FAM135B: variants seen among roughly 807,000 people sequenced by gnomAD.
FAM135B encodes protein FAM135B.
Under a neutral mutation model 127.7 loss-of-function variants are expected in FAM135B, and 43 were observed. The ratio of observed to expected loss-of-function variants is 0.34; its 90% CI spans 0.26 to 0.43. The LOEUF (loss-of-function observed/expected upper bound fraction) is 0.43, where lower values mean the gene tolerates loss of function less well. FAM135B is among the 20% of genes least tolerant of loss of function. The pLI is 1.00. For synonymous variants in FAM135B, 670 were observed against 665.1 expected, an observed-to-expected ratio of 1.01 and a Z score of -0.11; for missense variants, 1,558 against 1,725.6, an observed-to-expected ratio of 0.90 and a Z score of 1.72.
At chr8:138,312,135 C>T (rs1050969406) in intron 2 of FAM135B, among the ~76,000 whole-genome samples, 6 of 151,986 alleles carry the variant, frequency 3.9e-5, no homozygotes, top group African/African-American at 1.4e-4. Flanking sequence ...TTAGTAGAGA[C>T]GGGGTTTCAC....
intron 2 of FAM135B, among the ~76,000 whole-genome samples, chr8:138,330,803 GATCTCCAGAATAAGCTGTCGGCCACTCTC>G (rs1161257416): frequency 6.6e-6 from 1 of 151,660 alleles, no homozygotes; most frequent in African/African-American, 2.4e-5. Flanking sequence ...GGCAATCAAT[GATCTCCAGAATAAGCTGTCGGCCACTCTC>G]ATATAAATGT....
intron 7 of FAM135B, among the ~76,000 whole-genome samples, chr8:138,233,829 C>A (rs887511204): frequency 2.6e-5 from 4 of 151,874 alleles, no homozygotes; most frequent in African/African-American, 7.3e-5. Flanking sequence ...ACAACAACAA[C>A]AAATAAATAA....
chr8:138,156,929 C>G (rs1453497776), intron 12 of FAM135B, among the ~76,000 whole-genome samples: 1 of 152,236 alleles, frequency 6.6e-6, no homozygotes, highest in South Asian at 2.1e-4. Context: ...AGAGGGAATC[C>G]TCCCTAACTC....
rs552702046 is a variant in FAM135B, at chr8:138,190,576, T to C, written c.873+4682A>G. ...AAAGCTGCGTCTTTAAGCGAAAATCTACATTGTATAGAGAATCTCCTTCCC... is the reference window on the plus strand; with the variant it reads ...AAAGCTGCGTCTTTAAGCGAAAATCCACATTGTATAGAGAATCTCCTTCCC... On this transcript the variant is annotated intron_variant, in intron 9 of 19. Coordinates refer to ENST00000395297, the MANE Select transcript of FAM135B (RefSeq NM_015912.4). 1.5e-4 allele frequency among the ~76,000 whole-genome samples: 23 copies of C among 152,382 alleles called. No homozygotes were observed. The East Asian group carries it at 4.4e-3, about 29-fold the overall frequency.
At chr8:138,213,428 G>C (rs571089282) in intron 7 of FAM135B, among the ~76,000 whole-genome samples, 79 of 151,812 alleles carry the variant, frequency 5.2e-4, no homozygotes, top group African/African-American at 1.9e-3. Flanking sequence ...CCACAGTCCA[G>C]AGTTACAGGA....
chr8:138,338,479 C>T (rs566602371), intron 2 of FAM135B, among the ~76,000 whole-genome samples: 24 of 152,046 alleles, frequency 1.6e-4, no homozygotes, highest in Middle Eastern at 3.4e-3. Flanking sequence ...CAAAAGAAGA[C>T]ATTTATGCAG....
At chr8:138,203,337 C>A (rs1294011267) in intron 7 of FAM135B, among the ~76,000 whole-genome samples, 1 of 152,118 alleles carries the variant, frequency 6.6e-6, no homozygotes, top group Non-Finnish European at 1.5e-5. Flanking sequence ...TGAATGGACC[C>A]CACTTTGCCC....
chr8:138,211,627 T>C (rs1818150037), intron 7 of FAM135B, among the ~76,000 whole-genome samples: 1 of 152,236 alleles, frequency 6.6e-6, no homozygotes, highest in East Asian at 1.9e-4. Flanking sequence ...ACTAGGGCAT[T>C]TGACTTCTAT....
At position 138,374,239 on chromosome 8, in the gene FAM135B, G is replaced by A. The variant is rs1021346225; in HGVS notation, c.-19-6237C>T. Among the ~76,000 whole-genome samples, 8 of 152,242 alleles carry A rather than the reference G, an allele frequency of 5.3e-5. No individual in the cohort carries two copies. The East Asian group carries it at 7.7e-4, about 15-fold the overall frequency. On this transcript the variant is annotated intron_variant, in intron 1 of 19. Coordinates refer to ENST00000395297, the MANE Select transcript of FAM135B (RefSeq NM_015912.4). ...TTAGGGAAAATAGAAAAGAACCTAC[G>A]TGACTCTTGGGGCAGGTTCCCCAGT...
chr8:138,454,258 G>A lies in FAM135B; in HGVS notation c.-20+42413C>T, dbSNP rs527624366. Among the ~76,000 whole-genome samples, 14 of 152,166 alleles carry A rather than the reference G, an allele frequency of 9.2e-5. No individual in the cohort carries two copies. In the East Asian group the frequency reaches 1.4e-3, roughly 15 times the overall value. ...GTTCTCTTCAAAGGCCAATTCTCCCGGCCAAAAAATTGGATCAGGTACACG... is the reference window on the plus strand; with the variant it reads ...GTTCTCTTCAAAGGCCAATTCTCCCAGCCAAAAAATTGGATCAGGTACACG... On this transcript the variant is annotated intron_variant, in intron 1 of 19. Transcript: ENST00000395297.
chr8:138,364,138 C>T (rs1327100631), intron 2 of FAM135B, among the ~76,000 whole-genome samples: 2 of 152,254 alleles, frequency 1.3e-5, no homozygotes, highest in East Asian at 1.9e-4. Context: ...GTAGCCATGC[C>T]CTCTCCATGG....
At chr8:138,167,476 G>A (rs1371251237) in intron 12 of FAM135B, among the ~76,000 whole-genome samples, 7 of 152,242 alleles carry the variant, frequency 4.6e-5, no homozygotes, top group Admixed American at 2.6e-4. Context: ...GATTACAGGC[G>A]CGAGCCACGG....
intron 7 of FAM135B, among the ~76,000 whole-genome samples, chr8:138,222,331 A>ACAATTGCAACTCATAACTAATTGGTG (rs1819088870): frequency 6.6e-6 from 1 of 152,178 alleles, no homozygotes; most frequent in Admixed American, 6.5e-5. Context: ...AACTCTTATC[A>ACAATTGCAACTCATAACTAATTGGTG]CAATTGCAAC....
intron 1 of FAM135B, among the ~76,000 whole-genome samples, chr8:138,458,463 G>A (rs1331422914): frequency 1.3e-5 from 2 of 152,208 alleles, no homozygotes; most frequent in Non-Finnish European, 2.9e-5. Flanking sequence ...GATGGTCAAG[G>A]TTGCTATGGG....
intron 18 of FAM135B, among the ~76,000 whole-genome samples, chr8:138,138,159 A>G (rs2130552683): frequency 6.6e-6 from 1 of 152,272 alleles, no homozygotes; most frequent in Non-Finnish European, 1.5e-5. Context: ...ATCACACTGC[A>G]GTCCCACCTT....
chr8:138,390,536 G>C (rs1012126414), intron 1 of FAM135B, among the ~76,000 whole-genome samples: 5 of 152,092 alleles, frequency 3.3e-5, no homozygotes, highest in African/African-American at 1.2e-4. Context: ...ACCATGAAAA[G>C]GGACTAATAT....
At chr8:138,155,969 C>A (rs1345469446) in intron 12 of FAM135B, among the ~76,000 whole-genome samples, 1 of 152,172 alleles carries the variant, frequency 6.6e-6, no homozygotes, top group Non-Finnish European at 1.5e-5. Flanking sequence ...ACAGAACTCT[C>A]CACCCCAAAT....
At chr8:138,295,199 G>C (rs1055765529) in intron 3 of FAM135B, among the ~76,000 whole-genome samples, 1 of 129,294 alleles carries the variant, frequency 7.7e-6, no homozygotes, top group Non-Finnish European at 1.5e-5. Flanking sequence ...AGCTCATAAA[G>C]ACTCCTACTG....
At chr8:138,390,054 C>T (rs560839212) in intron 1 of FAM135B, among the ~76,000 whole-genome samples, 15 of 152,328 alleles carry the variant, frequency 9.8e-5, no homozygotes, top group African/African-American at 3.6e-4. Flanking sequence ...CCTTGTTTAT[C>T]TTGTTCACCA....
Sources: allele counts gnomAD v4.1 joint callset (sites outside exome capture counted in the v4.1 genomes callset), GRCh38; gene constraint gnomAD v4.1.1; transcripts MANE v1.5; gene names NCBI Gene and HGNC (gene_info 2026-07-23, HGNC 2026-07-21).